The following SNX29 variants were observed in gnomAD, a reference collection of about 807,000 sequenced individuals.
SNX29 encodes the protein sorting nexin-29.
Under a neutral mutation model 102.1 loss-of-function variants are expected in SNX29, and 78 were observed. The ratio of observed to expected loss-of-function variants is 0.76; its 90% CI spans 0.64 to 0.92. The LOEUF is 0.92. Ranked by LOEUF, SNX29 falls within the 40% of genes least tolerant of loss-of-function variation. The probability of loss-of-function intolerance (pLI) is 0.00; values close to 1 mark genes in which losing one functional copy is unlikely to be tolerated. For synonymous variants in SNX29, 580 were observed against 414.5 expected (o/e 1.40, Z -4.85); for missense variants, 1,280 against 1,061.7 (o/e 1.21, Z -2.86).
intron 20 of SNX29, among the ~76,000 whole-genome samples, chr16:12,552,761 G>A (rs1211093423): frequency 2.0e-5 from 3 of 152,234 alleles, no homozygotes; most frequent in South Asian, 4.1e-4. Context: ...CTGATTTAAG[G>A]TATGAATTCA....
intron 20 of SNX29, among the ~76,000 whole-genome samples, chr16:12,536,421 G>T (rs1196095370): frequency 6.6e-6 from 1 of 152,048 alleles, no homozygotes; most frequent in East Asian, 1.9e-4. Flanking sequence ...TCATCAGTAA[G>T]GAGGGCGGCA....
intron 9 of SNX29, among the ~76,000 whole-genome samples, chr16:12,063,364 A>ATTTTTTTTTTTTTTTT (rs1567173140): frequency 2.1e-5 from 1 of 48,230 alleles, no homozygotes; most frequent in Non-Finnish European, 4.4e-5. Context: ...TTCCTAGTCC[A>ATTTTTTTTTTTTTTTT]TCTTTTTTTT....
intron 16 of SNX29, among the ~76,000 whole-genome samples, chr16:12,395,541 G>T (rs529714451): frequency 2.0e-5 from 3 of 152,168 alleles, no homozygotes; most frequent in Non-Finnish European, 4.4e-5. Context: ...GAAGACTGCC[G>T]CGTGAGTGCC....
At chr16:12,530,248 C>G (rs555254901) in intron 20 of SNX29, among the ~76,000 whole-genome samples, 3 of 152,268 alleles carry the variant, frequency 2.0e-5, no homozygotes, top group Non-Finnish European at 4.4e-5. Flanking sequence ...CTTTTAGGAG[C>G]TTTTAGAACA....
chr16:12,470,718 A>G (rs926084209), intron 18 of SNX29, among the ~76,000 whole-genome samples: 2 of 152,212 alleles, frequency 1.3e-5, no homozygotes, highest in Non-Finnish European at 2.9e-5. Context: ...CTAGCATTTG[A>G]CAATTAATTA....
chr16:12,555,301 C>G (rs1012637213), intron 20 of SNX29, among the ~76,000 whole-genome samples: 1 of 151,534 alleles, frequency 6.6e-6, no homozygotes, highest in African/African-American at 2.4e-5. Flanking sequence ...GCTGTCCAGT[C>G]AATCCCTCTC....
At chr16:12,365,472 T>G (rs2082438533) in intron 16 of SNX29, among the ~76,000 whole-genome samples, 1 of 141,934 alleles carries the variant, frequency 7.0e-6, no homozygotes, top group Non-Finnish European at 1.5e-5. Flanking sequence ...GGAGGATCAC[T>G]TGAGGTCAGG....
rs373056362 is a variant in SNX29 at position 12,261,750 on chromosome 16, G to T, written c.1679-16183G>T. On this transcript the variant is annotated intron_variant, in intron 14 of 20. Transcript: ENST00000566228. ...TGGAGTGAGTGTTTGCTGAGCTCGG[G>T]TCTGTGCGTGCGTCCCCGGCTGGAG... 4.3e-3 allele frequency among the ~76,000 whole-genome samples: 575 copies of T among 132,350 alleles called. 2 individuals are homozygous for T. Among genetic ancestry groups the T allele is most frequent in the Middle Eastern group, 0.012 (2 of 166 alleles). 86.8% of individuals were successfully genotyped at this position (132,350 alleles called of 152,430 possible).
intron 14 of SNX29, among the ~76,000 whole-genome samples, chr16:12,274,766 T>G (rs1214513665): frequency 6.6e-6 from 1 of 152,186 alleles, no homozygotes; most frequent in African/African-American, 2.4e-5. Flanking sequence ...TCTATTTTGT[T>G]ATTCGTTGCC....
intron 13 of SNX29, among the ~76,000 whole-genome samples, chr16:12,151,649 C>T (rs2055306974): frequency 1.3e-5 from 2 of 152,190 alleles, no homozygotes; most frequent in African/African-American, 4.8e-5. Context: ...GGTGGTCCTC[C>T]ACCTCAGTCA....
intron 19 of SNX29, among the ~76,000 whole-genome samples, chr16:12,496,071 G>T (rs1420159495): frequency 6.6e-6 from 1 of 152,164 alleles, no homozygotes; most frequent in Non-Finnish European, 1.5e-5. Context: ...GCAGGTTTCA[G>T]TGAGCGCAGA....
At chr16:12,320,866 G>C (rs2080908882) in intron 15 of SNX29, among the ~76,000 whole-genome samples, 1 of 152,200 alleles carries the variant, frequency 6.6e-6, no homozygotes. Context: ...TCTGGGACCT[G>C]AGGTTGCCTT....
chr16:12,088,710 C>G (rs1161993486), intron 11 of SNX29, among the ~76,000 whole-genome samples: 1 of 152,192 alleles, frequency 6.6e-6, no homozygotes, highest in Non-Finnish European at 1.5e-5. Context: ...CTTTGGGAGG[C>G]TGAGGTGGGA....
At chr16:12,568,304 T>TAAAAAAAAAA (rs34750195) in intron 20 of SNX29, among the ~76,000 whole-genome samples, 5 of 146,420 alleles carry the variant, frequency 3.4e-5, no homozygotes, top group African/African-American at 5.0e-5. Flanking sequence ...GGAGTGCTGT[T>TAAAAAAAAAA]AAAAAAAAAA....
intron 15 of SNX29, among the ~76,000 whole-genome samples, chr16:12,330,842 C>T (rs548447577): frequency 3.3e-4 from 50 of 152,228 alleles, no homozygotes; most frequent in Non-Finnish European, 6.2e-4. Flanking sequence ...TGCAGCTTCA[C>T]GTTCAGATGG....
intron 19 of SNX29, among the ~76,000 whole-genome samples, chr16:12,504,422 C>G (rs1274348766): frequency 1.3e-5 from 2 of 152,164 alleles, no homozygotes; most frequent in African/African-American, 2.4e-5. Flanking sequence ...AACCCCCAGC[C>G]CTAGGCAACC....
intron 15 of SNX29, among the ~76,000 whole-genome samples, chr16:12,338,469 GTGCATC>G (rs2081518157): frequency 1.3e-5 from 2 of 152,178 alleles, no homozygotes; most frequent in South Asian, 4.1e-4. Flanking sequence ...GGTTCTCACC[GTGCATC>G]AGGCGTTGTG....
chr16:12,154,848 G>C (rs2055470063), intron 13 of SNX29, among the ~76,000 whole-genome samples: 1 of 152,154 alleles, frequency 6.6e-6, no homozygotes, highest in Non-Finnish European at 1.5e-5. Context: ...TCTTACAAAG[G>C]CACGAATCCC....
intron 14 of SNX29, among the ~76,000 whole-genome samples, chr16:12,228,979 G>T (rs561181431): frequency 6.6e-6 from 1 of 152,316 alleles, no homozygotes; most frequent in South Asian, 2.1e-4. Flanking sequence ...TGTCTAGAAT[G>T]CGCTTTTCTC....
Sources: allele counts gnomAD v4.1 joint callset (sites outside exome capture counted in the v4.1 genomes callset), GRCh38; gene constraint gnomAD v4.1.1; transcripts MANE v1.5; gene names NCBI Gene and HGNC (gene_info 2026-07-23, HGNC 2026-07-21).